SLC28A3: variants seen among roughly 807,000 people sequenced by gnomAD.
SLC28A3 encodes the protein concentrative Na(+)-nucleoside cotransporter 3.
Under a neutral mutation model 84.2 loss-of-function variants are expected in SLC28A3, and 68 were observed. The ratio of observed to expected loss-of-function variants is 0.81; its 90% CI spans 0.66 to 0.99. The LOEUF (loss-of-function observed/expected upper bound fraction) is 0.99, where lower values mean the gene tolerates loss of function less well. Ranked by LOEUF, SLC28A3 falls within the 50% of genes least tolerant of loss-of-function variation. SLC28A3 has a pLI of 0.00. For synonymous variants in SLC28A3, 267 were observed against 303.6 expected, an observed-to-expected ratio of 0.88 and a Z score of 1.25; for missense variants, 712 against 841.5, an observed-to-expected ratio of 0.85 and a Z score of 1.90.
At chr9:84,285,213 G>A in intron 14 of SLC28A3, 132 bp downstream of exon 14, 2 of 805,288 alleles carry the variant, frequency 2.5e-6, no homozygotes, top group South Asian at 3.5e-5. Context: ...ATGAGCAATG[G>A]ATTTTAGGTT....
At chr9:84,298,181 T>C (rs1334641392) in intron 6 of SLC28A3, among the ~76,000 whole-genome samples, 162 bp from the exon 7 acceptor site, 1 of 152,144 alleles carries the variant, frequency 6.6e-6, no homozygotes, top group African/African-American at 2.4e-5. Flanking sequence ...AACCCTTTGA[T>C]AGAACCATAA....
At chr9:84,289,987 T>G (rs2118149657) in intron 11 of SLC28A3, 167 bp downstream of exon 11, 1 of 724,600 alleles carries the variant, frequency 1.4e-6, no homozygotes, top group East Asian at 2.9e-5. Flanking sequence ...TGAAACTCCT[T>G]GGGATCCCTA....
chr9:84,290,915 A>G (rs1044361741), intron 10 of SLC28A3, among the ~76,000 whole-genome samples: 5 of 152,226 alleles, frequency 3.3e-5, no homozygotes, highest in African/African-American at 1.2e-4. Flanking sequence ...ATTGAGAATC[A>G]GAGACCCCTC....
Position 84,290,278 on chromosome 9 carries a change from G to A in SLC28A3, c.1025C>T (p.Thr342Met), listed in dbSNP as rs375012676. The A allele has an allele frequency of 6.5e-5, 105 of 1,613,666 alleles. No homozygotes were observed. The highest frequency in any genetic ancestry group is 8.5e-5 in the Non-Finnish European group (100 of 1,179,820). ...VASGNIFVGQ[T>M]ESPLLVRPYL... ...TGGTCGGACCAGCAGTGGAGACTCCGTCTGGAGACAAAGAAGGGTGACCAG... is the reference window on the plus strand; with the variant it reads ...TGGTCGGACCAGCAGTGGAGACTCCATCTGGAGACAAAGAAGGGTGACCAG... Residue 342 changes from threonine to methionine, a missense_variant and splice_region_variant, in exon 11 of 18, where the codon ACG becomes ATG. By Grantham distance (81) the Thr-to-Met change is moderately conservative. Transcript: ENST00000376238.
At chr9:84,317,023 C>A (rs1300978794) in intron 1 of SLC28A3, among the ~76,000 whole-genome samples, 2 of 151,806 alleles carry the variant, frequency 1.3e-5, no homozygotes, top group Non-Finnish European at 2.9e-5. Context: ...ACAACAACAA[C>A]AACAACAACT....
upstream of SLC28A3, among the ~76,000 whole-genome samples, chr9:84,342,754 G>A (rs1230550427): frequency 3.3e-5 from 5 of 151,974 alleles, no homozygotes; most frequent in Non-Finnish European, 7.4e-5. Context: ...TTTCTGAGTT[G>A]TTTACCAATT....
chr9:84,292,605 G>T, intron 10 of SLC28A3, 63 bp downstream of exon 10: 4 of 1,316,530 alleles, frequency 3.0e-6, no homozygotes, highest in African/African-American at 1.5e-5. Context: ...TTTCTTATTT[G>T]GCTTTTTGGA....
the SLC28A3 span, among the ~76,000 whole-genome samples, chr9:84,367,215 T>G: frequency 6.6e-6 from 1 of 152,008 alleles, no homozygotes. Context: ...CCGCCAATAT[T>G]CTCTTAAGGC....
At chr9:84,352,245 G>A in the SLC28A3 span, among the ~76,000 whole-genome samples, 3 of 151,852 alleles carry the variant, frequency 2.0e-5, no homozygotes, top group East Asian at 5.8e-4. Context: ...GTGCAATGAC[G>A]TGATCTTGGC....
At chr9:84,310,123 G>C (rs1347071740) in intron 2 of SLC28A3, among the ~76,000 whole-genome samples, 1 of 152,152 alleles carries the variant, frequency 6.6e-6, no homozygotes, top group Admixed American at 6.6e-5. Context: ...AAATGACTGA[G>C]ACCAAAGCTG....
chr9:84,318,879 A>C (rs893474328), intron 1 of SLC28A3, among the ~76,000 whole-genome samples: 1 of 152,182 alleles, frequency 6.6e-6, no homozygotes. Flanking sequence ...CAGAAAAAAA[A>C]AAAAGAAAAA....
chr9:84,329,185 C>A (rs1826683113), intron 1 of SLC28A3, among the ~76,000 whole-genome samples: 1 of 152,042 alleles, frequency 6.6e-6, no homozygotes, highest in African/African-American at 2.4e-5. Flanking sequence ...CTATTGTTAA[C>A]ATATATGTAT....
chr9:84,321,622 TA>T (rs1440880379), intron 1 of SLC28A3, among the ~76,000 whole-genome samples: 1 of 148,770 alleles, frequency 6.7e-6, no homozygotes, highest in East Asian at 2.0e-4. Context: ...TAGTCCCAGC[TA>T]CTCAGGAGGC....
At position 84,279,361 on chromosome 9, in the gene SLC28A3, T is replaced by G; in HGVS notation, c.1853A>C (p.Asp618Ala). The change falls in exon 17 of 18, where the codon GAC becomes GCC. Residue 618 changes from aspartate (D) to alanine (A), a missense_variant. Coordinates refer to ENST00000376238, the MANE Select transcript of SLC28A3 (RefSeq NM_001199633.2). ...IAGILSSTPVDINCHHVLENA... is the reference protein window; with the variant it reads ...IAGILSSTPVAINCHHVLENA... ...CTCTAAAACGTGATGGCAGTTGATG[T>G]CCACAGGAGTGCTGGAGAGTATGCC... 2 of 1,610,598 alleles carry G rather than the reference T, an allele frequency of 1.2e-6. No homozygotes were observed. Among genetic ancestry groups the G allele is most frequent in the Non-Finnish European group, 1.7e-6 (2 of 1,178,142 alleles).
At chr9:84,355,206 G>T in the SLC28A3 span, among the ~76,000 whole-genome samples, 1 of 152,260 alleles carries the variant, frequency 6.6e-6, no homozygotes, top group African/African-American at 2.4e-5. Flanking sequence ...AGATGTCAGG[G>T]CTGAGGCAGG....
intron 3 of SLC28A3, among the ~76,000 whole-genome samples, chr9:84,307,440 A>AAAAAC (rs1236863656): frequency 6.6e-6 from 1 of 150,808 alleles, no homozygotes; most frequent in East Asian, 1.9e-4. Context: ...CAAAAAAAAA[A>AAAAAC]AAAAACAAAA....
intron 12 of SLC28A3, 98 bp downstream of exon 12, chr9:84,287,950 T>C (rs1055814956): frequency 6.8e-7 from 1 of 1,474,628 alleles, no homozygotes; most frequent in Non-Finnish European, 9.3e-7. Flanking sequence ...TGTAATTCAC[T>C]GTGCTTTCCG....
At chr9:84,292,467 C>G (rs1249911216) in intron 10 of SLC28A3, 1 of 392,954 alleles carries the variant, frequency 2.5e-6, no homozygotes, top group Non-Finnish European at 4.5e-6. Context: ...CTCTCTGTCT[C>G]TCTCTCTGTC....
chr9:84,366,567 T>G, the SLC28A3 span, among the ~76,000 whole-genome samples: 2 of 152,108 alleles, frequency 1.3e-5, no homozygotes, highest in Admixed American at 6.5e-5. Flanking sequence ...AGGTCTAGAG[T>G]GTTGTAATCT....
Sources: gnomAD v4.1 joint callset for allele counts (sites outside exome capture counted in the v4.1 genomes callset) on GRCh38, gnomAD v4.1.1 for gene constraint, MANE v1.5 for transcripts, NCBI Gene and HGNC (gene_info 2026-07-23, HGNC 2026-07-21) for gene names.